The following WWOX variants were observed in gnomAD, a reference collection of about 807,000 sequenced individuals.
The protein encoded by WWOX is WW domain-containing oxidoreductase.
Under a neutral mutation model 46.2 loss-of-function variants are expected in WWOX, and 69 were observed. That is an observed-to-expected ratio of 1.49 (90% CI 1.23 to 1.82). The LOEUF (loss-of-function observed/expected upper bound fraction) is 1.82. Among genes scored for constraint, WWOX ranks in the 40% most tolerant of loss-of-function variants. The probability of loss-of-function intolerance (pLI) is 0.00; values close to 1 mark genes in which losing one functional copy is unlikely to be tolerated. For synonymous variants in WWOX, 359 were observed against 202.6 expected (o/e 1.77, Z -6.56); for missense variants, 919 against 542.6 (o/e 1.69, Z -6.89).
rs2035749925 is a variant in WWOX at position 78,187,549 on chromosome 16, G to A, written c.516+23260G>A. ...ACCGCGGAGGCAGAGATTGCAATGA[G>A]CCGAGATCGCGCCACTGCACTCCAG... On this transcript the variant is annotated intron_variant, in intron 5 of 8. Transcript: ENST00000566780. Among the ~76,000 whole-genome samples, 7 of 152,314 alleles carry A rather than the reference G, an allele frequency of 4.6e-5. No individual in the cohort carries two copies. In the South Asian group the frequency reaches 1.4e-3, roughly 32 times the overall value.
intron 8 of WWOX, among the ~76,000 whole-genome samples, chr16:78,546,047 G>C (rs189634333): frequency 1.3e-5 from 2 of 152,228 alleles, no homozygotes; most frequent in African/African-American, 4.8e-5. Context: ...CTCTATGCTG[G>C]GCACAAGGAA....
chr16:79,205,162 C>T (rs2051467375), intron 8 of WWOX: 1 of 152,260 alleles, frequency 6.6e-6, no homozygotes, highest in African/African-American at 2.4e-5. Flanking sequence ...TGGCACTCTT[C>T]CCCCTGCATG....
At chr16:78,304,588 T>G (rs1400031844) in intron 5 of WWOX, among the ~76,000 whole-genome samples, 1 of 152,232 alleles carries the variant, frequency 6.6e-6, no homozygotes, top group Non-Finnish European at 1.5e-5. Context: ...TTTTTCATAT[T>G]AATATATAAA....
intron 8 of WWOX, among the ~76,000 whole-genome samples, chr16:78,894,372 A>G (rs897328167): frequency 2.6e-5 from 4 of 152,204 alleles, no homozygotes; most frequent in African/African-American, 7.2e-5. Flanking sequence ...ACCTCCAAGT[A>G]TAATATTGAA....
intron 8 of WWOX, among the ~76,000 whole-genome samples, chr16:79,208,396 G>T (rs558378396): frequency 6.7e-6 from 1 of 149,860 alleles, no homozygotes; most frequent in Non-Finnish European, 1.5e-5. Flanking sequence ...AAAAAAAATC[G>T]TTTAGGGGAA....
At chr16:78,682,742 A>G (rs986898715) in intron 8 of WWOX, among the ~76,000 whole-genome samples, 2 of 152,234 alleles carry the variant, frequency 1.3e-5, no homozygotes, top group African/African-American at 4.8e-5. Context: ...AAAATTTTAA[A>G]GAAAGGTATT....
At chr16:78,757,050 C>A (rs544233832) in intron 8 of WWOX, 2 of 702,634 alleles carry the variant, frequency 2.8e-6, no homozygotes, top group Admixed American at 2.0e-5. Context: ...ATTCTGCAGC[C>A]CTAGTTAAGC....
intron 5 of WWOX, among the ~76,000 whole-genome samples, chr16:78,204,104 G>A (rs147443107): frequency 1.3e-5 from 2 of 152,356 alleles, no homozygotes; most frequent in Non-Finnish European, 2.9e-5. Flanking sequence ...AGACGGGACA[G>A]TTTGTACTAC....
chr16:78,307,279 A>G (rs952283846), intron 5 of WWOX, among the ~76,000 whole-genome samples: 12 of 152,230 alleles, frequency 7.9e-5, no homozygotes, highest in African/African-American at 2.4e-4. Context: ...AAGTGAATAG[A>G]GTACGCTTCT....
At chr16:78,992,366 C>G (rs953654699) in intron 8 of WWOX, among the ~76,000 whole-genome samples, 2 of 152,086 alleles carry the variant, frequency 1.3e-5, no homozygotes, top group Non-Finnish European at 2.9e-5. Flanking sequence ...ACTCTGGAGG[C>G]TGAGGCAGGA....
At chr16:78,206,225 G>T (rs567791423) in intron 5 of WWOX, among the ~76,000 whole-genome samples, 15 of 152,124 alleles carry the variant, frequency 9.9e-5, no homozygotes, top group African/African-American at 3.6e-4. Context: ...TGAAGTTATT[G>T]GTGGTGGAAT....
chr16:78,950,093 A>G (rs1597194187), intron 8 of WWOX, among the ~76,000 whole-genome samples: 2 of 152,316 alleles, frequency 1.3e-5, no homozygotes, highest in Admixed American at 1.3e-4. Context: ...CCAAGTTCTC[A>G]ACTATGATAT....
chr16:79,050,903 G>C (rs930338794), intron 8 of WWOX, among the ~76,000 whole-genome samples: 2 of 152,270 alleles, frequency 1.3e-5, no homozygotes, highest in African/African-American at 2.4e-5. Flanking sequence ...ATCAATATAA[G>C]CCCCATAAAA....
rs967976324 is a variant in WWOX, at chr16:78,115,025, G to A, written c.280G>A (p.Val94Met). The A allele has an allele frequency of 6.2e-7, 1 of 1,614,102 alleles. No homozygotes were observed. Among genetic ancestry groups the A allele is most frequent in the African/African-American group, 1.3e-5 (1 of 74,924 alleles). Residue 94 changes from valine to methionine, a missense_variant, in exon 4 of 9, where the codon GTG becomes ATG. Coordinates refer to ENST00000566780, the MANE Select transcript of WWOX (RefSeq NM_016373.4). ...TYLDPRLAFT[V>M]DDNPTKPTTR... ...CTTGGACCCAAGACTGGCGTTTACT[G>A]TGGATGATAATCCGACCAAGCCAAC...
At chr16:78,386,980 A>C (rs2082074330) in intron 6 of WWOX, 32 bp downstream of exon 6, 1 of 1,590,320 alleles carries the variant, frequency 6.3e-7, no homozygotes, top group African/African-American at 1.3e-5. Flanking sequence ...TATAGATCAT[A>C]ATTTCTTGCT....
At chr16:78,535,173 T>C (rs2738501) in intron 8 of WWOX, 101,350 of 152,046 alleles carry the variant, frequency 0.67, 36,331 homozygotes, top group East Asian at 0.88. Context: ...CCTTGTACTC[T>C]TCGAACAGAG....
At chr16:78,101,052 T>TC (rs2031743349) in intron 1 of WWOX, among the ~76,000 whole-genome samples, 1 of 151,912 alleles carries the variant, frequency 6.6e-6, no homozygotes, top group Admixed American at 6.6e-5. Context: ...GTTTTTCTTT[T>TC]TTTTTTTTCT....
At chr16:78,352,398 C>G (rs4624193) in intron 5 of WWOX, among the ~76,000 whole-genome samples, 35 of 152,144 alleles carry the variant, frequency 2.3e-4, no homozygotes, top group African/African-American at 6.5e-4. Context: ...GACACCATTT[C>G]TTTCTGTAGG....
chr16:79,021,283 T>C (rs2047527361), intron 8 of WWOX, among the ~76,000 whole-genome samples: 1 of 152,170 alleles, frequency 6.6e-6, no homozygotes, highest in South Asian at 2.1e-4. Flanking sequence ...GGTGCTAGGG[T>C]AAGGCACGCA....
Sources: allele counts gnomAD v4.1 joint callset (sites outside exome capture counted in the v4.1 genomes callset), GRCh38; gene constraint gnomAD v4.1.1; transcripts MANE v1.5; gene names NCBI Gene and HGNC (gene_info 2026-07-23, HGNC 2026-07-21).